The following EVPL variants were observed in gnomAD, a reference collection of about 807,000 sequenced individuals.
EVPL encodes the protein envoplakin.
EVPL carries 94 observed loss-of-function variants against 129.7 expected under a neutral mutation model. The observed-to-expected ratio is 0.72, with a 90% CI of 0.61 to 0.86. EVPL has a LOEUF of 0.86. Among genes scored for constraint, EVPL ranks in the 40% least tolerant of loss-of-function variants. The probability of loss-of-function intolerance (pLI) is 0.00; values close to 1 mark genes in which losing one functional copy is unlikely to be tolerated. For missense variants in EVPL, 2,625 were observed against 2,721.1 expected (o/e 0.96, Z 0.79); for synonymous variants, 1,172 against 1,191.1 (o/e 0.98, Z 0.33).
At chr17:76,012,946 G>A (rs370700266) in intron 18 of EVPL, among the ~76,000 whole-genome samples, 250 of 151,612 alleles carry the variant, frequency 1.6e-3, no homozygotes, top group South Asian at 3.3e-3. Context: ...GGGTTTCACC[G>A]TGTTAGCCAG....
Position 76,009,046 on chromosome 17 carries a change from C to A in EVPL, c.4159G>T (p.Glu1387Ter), listed in dbSNP as rs538347223. 6.2e-7 allele frequency: 1 copy of A among 1,613,466 alleles called. No individual in the cohort carries two copies. The highest frequency in any genetic ancestry group is 1.7e-5 in the Admixed American group (1 of 60,004). The change falls in exon 22 of 22, where the codon GAG becomes TAG. Residue 1387 changes from glutamate to a stop codon, truncating the protein, a stop_gained. Coordinates refer to ENST00000301607, the MANE Select transcript of EVPL (RefSeq NM_001988.4). LOFTEE classifies it low-confidence loss of function (END_TRUNC). The surrounding 1 kb of genome is among the most constrained non-coding windows in gnomAD (Gnocchi z 5.9). The part of the protein sequence containing the change: ...VTQKDPKLRE[E>*]HSRLSGSLDE... ...AGGCTCCCGCTCAGCCGGCTGTGCT[C>A]CTCGCGCAGCTTCGGGTCCTTCTGG...
intron 17 of EVPL, 68 bp downstream of exon 17, chr17:76,014,848 G>T: frequency 6.9e-7 from 1 of 1,459,524 alleles, no homozygotes; most frequent in Non-Finnish European, 9.2e-7. Context: ...GGATCACACA[G>T]CTTGTAGACA....
rs760658904 is a variant in EVPL, at chr17:76,009,982, C to T, written c.3223G>A (p.Val1075Met). 2.6e-5 allele frequency: 42 copies of T among 1,613,920 alleles called. No homozygotes were observed. In the South Asian group the frequency reaches 2.9e-4, roughly 11 times the overall value. ...TCCACCTTGACTACCTCTTTCACCA[C>T]GACCTTCTCCTTCACGTCCACCTCC... ...KREVDVKEKV[V>M]VKEVVKVEKN... The change falls in exon 22 of 22, where the codon GTG (valine) becomes ATG (methionine). Residue 1075 changes from valine to methionine, a missense_variant. Coordinates refer to ENST00000301607, the MANE Select transcript of EVPL (RefSeq NM_001988.4). This position sits in a 1 kb window ranked among gnomAD's most constrained non-coding sequence, Gnocchi z 5.9.
Position 76,008,517 on chromosome 17 carries a change from C to G in EVPL, c.4688G>C (p.Arg1563Pro), listed in dbSNP as rs746261242. 1.9e-6 allele frequency: 3 copies of G among 1,605,460 alleles called. No homozygotes were observed. The highest frequency in any genetic ancestry group is 1.7e-5 in the Admixed American group (1 of 59,764). Residue 1563 changes from arginine (R) to proline (P), a missense_variant, in exon 22 of 22, where the codon CGC becomes CCC. Physicochemically the swap from Arg to Pro is moderately radical, Grantham distance 103. Coordinates refer to ENST00000301607, the MANE Select transcript of EVPL (RefSeq NM_001988.4). The surrounding 1 kb of genome is among the most constrained non-coding windows in gnomAD (Gnocchi z 7.4). ...REEEARRLRE[R>P]IDRAETLGRT... The stretch of plus-strand genomic sequence containing the variant: ...CCCCAGCGTCTCGGCCCGGTCAATG[C>G]GCTCCCGCAGGCGCCGTGCCTCCTC...
chr17:76,012,709 G>A (rs1017037961), intron 18 of EVPL, among the ~76,000 whole-genome samples: 7 of 151,660 alleles, frequency 4.6e-5, no homozygotes, highest in African/African-American at 1.5e-4. Flanking sequence ...CAGCAGGTCC[G>A]GGTGGCCCTG....
chr17:76,025,909 C>A (rs1567918565), intron 1 of EVPL, among the ~76,000 whole-genome samples: 1 of 152,188 alleles, frequency 6.6e-6, no homozygotes, highest in African/African-American at 2.4e-5. Context: ...GCCCAGTGCC[C>A]CCTGCACCAC....
In EVPL at chr17:76,009,216, GCTT is replaced by G; in HGVS notation, c.3986_3988del (p.Glu1329del). The G allele has an allele frequency of 6.2e-7, 1 of 1,608,790 alleles. No individual in the cohort carries two copies. The highest frequency in any genetic ancestry group is 8.5e-7 in the Non-Finnish European group (1 of 1,179,896). ...CCGCACCTCCTGGCGGAGCCGCTCT[GCTT>G]CTTTCTCCAGCACCGGGTCCTTCTC... On this transcript the variant is annotated inframe_deletion, in exon 22 of 22. Transcript: ENST00000301607. The surrounding 1 kb of genome is among the most constrained non-coding windows in gnomAD (Gnocchi z 5.9).
At position 76,012,097 on chromosome 17, in the gene EVPL, G is replaced by T; in HGVS notation, c.2374-8C>A. 6.2e-7 allele frequency: 1 copy of T among 1,607,058 alleles called. No homozygotes were observed. On this transcript the variant is annotated splice_region_variant and splice_polypyrimidine_tract_variant and intron_variant, in intron 18 of 21. Coordinates refer to ENST00000301607, the MANE Select transcript of EVPL (RefSeq NM_001988.4). ...GATCTCCTGCGTCAGCCTCTGCCAG[G>T]GAAGAACCCAGAGTCAGGAGGCCAG... is the stretch of plus-strand genomic sequence containing the variant.
In EVPL at chr17:76,014,908, T is replaced by TCG; in HGVS notation, c.2222+6_2222+7dup. On this transcript the variant is annotated splice_region_variant and intron_variant, in intron 17 of 21. Coordinates refer to ENST00000301607, the MANE Select transcript of EVPL (RefSeq NM_001988.4). ...CACACCCTGTGCCCCGAGGACCCAG[T>TCG]CGCTCACCGCAGGTCCAGCTGGTCC... 2 of 1,573,152 alleles carry TCG rather than the reference T, an allele frequency of 1.3e-6. No individual in the cohort carries two copies. Among genetic ancestry groups the TCG allele is most frequent in the Non-Finnish European group, 1.7e-6 (2 of 1,156,972 alleles).
chr17:76,025,708 C>T (rs534951825), intron 1 of EVPL, among the ~76,000 whole-genome samples: 2 of 152,348 alleles, frequency 1.3e-5, no homozygotes, highest in South Asian at 2.1e-4. Context: ...TGCCTTGATC[C>T]CTATCGGGGT....
chr17:76,021,754 G>A lies in EVPL; in HGVS notation c.835C>T (p.Gln279Ter). The change falls in exon 8 of 22, where the codon CAG (glutamine) becomes TAG (stop). Residue 279 changes from glutamine (Q) to a stop codon, truncating the protein, a stop_gained. Transcript: ENST00000301607. LOFTEE classifies it high-confidence loss of function. ...EHFKQHELLS[Q>*]EQSVNQLEDD... ...TCCAGCTGGTTCACGCTCTGCTCCT[G>A]GCTCAGCAGCTCGTGCTGCTTGAAG... 6.2e-7 allele frequency: 1 copy of A among 1,609,390 alleles called. No individual in the cohort carries two copies. Among genetic ancestry groups the A allele is most frequent in the Non-Finnish European group, 8.5e-7 (1 of 1,179,360 alleles).
In EVPL at chr17:76,022,479, G is replaced by C. The variant is rs375962624; in HGVS notation, c.540C>G (p.Ala180=). ...PGMAELEQQI[A]EHNILQKEID... ...TCTCCTTCTGCAGGATGTTGTGCTC[G>C]GCGATCTGTTGCTCCAGCTCCGCCA... Residue 180 remains alanine (A), a synonymous_variant, in exon 5 of 22, where the codon GCC becomes GCG. Coordinates refer to ENST00000301607, the MANE Select transcript of EVPL (RefSeq NM_001988.4). The surrounding 1 kb of genome is among the most constrained non-coding windows in gnomAD (Gnocchi z 5.6). 58 of 1,613,316 alleles carry C rather than the reference G, an allele frequency of 3.6e-5. 1 individual carries two copies. The South Asian group carries it at 5.1e-4, about 14-fold the overall frequency.
At chr17:76,018,891 G>GGGTGA (rs1362472123) in intron 11 of EVPL, 23 bp downstream of exon 11, 1 of 1,510,942 alleles carries the variant, frequency 6.6e-7, no homozygotes, top group South Asian at 1.3e-5. Context: ...ATGGTGGCAG[G>GGGTGA]GGTGAGGTGG....
intron 8 of EVPL, 43 bp from the exon 9 acceptor site, chr17:76,021,606 C>CCCCGGGG: frequency 1.5e-6 from 2 of 1,336,550 alleles, no homozygotes; most frequent in Non-Finnish European, 2.0e-6. Context: ...GCCCCCCCCA[C>CCCCGGGG]GTCCGCCCCA....
chr17:76,019,554 G>T lies in EVPL; in HGVS notation c.1111C>A (p.Pro371Thr). ...TCCAGCTGTTGCAGCAGCTCTGTGG[G>T]GGCGCCAGGGGGGCCCCCAGGTGCA... is the stretch of plus-strand genomic sequence containing the variant. Reference protein sequence around the residue: ...SPAPGGPPGAPTELLQQLEAE... With the variant: ...SPAPGGPPGATTELLQQLEAE... Residue 371 changes from proline (P) to threonine (T), a missense_variant, in exon 10 of 22, where the codon CCC becomes ACC. Pro to Thr is a conservative substitution (Grantham distance 38, BLOSUM62 -1). Around this residue, in one of 4 missense-constraint regions of EVPL, gnomAD observed 1,024 missense variants for 997.5 expected, o/e 1.03. Transcript: ENST00000301607. 1 of 1,570,810 alleles carries T rather than the reference G, an allele frequency of 6.4e-7. No homozygotes were observed. The highest frequency in any genetic ancestry group is 1.2e-5 in the South Asian group (1 of 84,524).
chr17:76,010,642 C>G, intron 21 of EVPL, 99 bp from the exon 22 acceptor site: 1 of 1,313,346 alleles, frequency 7.6e-7, no homozygotes, highest in Non-Finnish European at 1.0e-6. Flanking sequence ...TCCTGAGACT[C>G]CCCAGTGGGT....
In EVPL at chr17:76,008,323, G is replaced by A. The variant is rs780444775; in HGVS notation, c.4882C>T (p.Arg1628Ter). 16 of 1,606,986 alleles carry A rather than the reference G, an allele frequency of 1.0e-5. No individual in the cohort carries two copies. Among genetic ancestry groups the A allele is most frequent in the Admixed American group, 1.7e-5 (1 of 59,964 alleles). Residue 1628 changes from arginine to a stop codon, truncating the protein, a stop_gained, in exon 22 of 22, where the codon CGA (arginine) becomes TGA (stop). Coordinates refer to ENST00000301607, the MANE Select transcript of EVPL (RefSeq NM_001988.4). LOFTEE classifies it high-confidence loss of function. The surrounding 1 kb of genome is among the most constrained non-coding windows in gnomAD (Gnocchi z 7.4). ...TGGCCCCGCTGGGCCGCCTTCTGTC[G>A]CTCGCTCTCCGTCTTCTGGCTGAGC... ...KLLSQKTESE[R>*]QKAAQRGQEL...
Position 76,008,214 on chromosome 17 carries a change from G to A in EVPL, c.4991C>T (p.Ala1664Val). Residue 1664 changes from alanine (A) to valine (V), a missense_variant, in exon 22 of 22, where the codon GCC (alanine) becomes GTC (valine). Physicochemically the swap from Ala to Val is moderately conservative, Grantham distance 64. This residue lies in a region of EVPL where 1,453 missense variants were observed against 1,511.8 expected (regional missense o/e 0.96). Coordinates refer to ENST00000301607, the MANE Select transcript of EVPL (RefSeq NM_001988.4). The surrounding 1 kb of genome is among the most constrained non-coding windows in gnomAD (Gnocchi z 7.4). ...GCTGAGCTCCTCCCGGCTCACCTTGGCGTGGAGGTCCCGGAGCGTCCGCTC... is the reference window on the plus strand; with the variant it reads ...GCTGAGCTCCTCCCGGCTCACCTTGACGTGGAGGTCCCGGAGCGTCCGCTC... ...EKERTLRDLH[A>V]KVSREELSQE... 1 of 1,614,080 alleles carries A rather than the reference G, an allele frequency of 6.2e-7. No individual in the cohort carries two copies. Among genetic ancestry groups the A allele is most frequent in the Non-Finnish European group, 8.5e-7 (1 of 1,180,032 alleles).
chr17:76,019,273 A>G (rs2244377), intron 10 of EVPL, among the ~76,000 whole-genome samples: 96,655 of 152,006 alleles, frequency 0.64, 31,006 homozygotes, highest in East Asian at 0.74. Flanking sequence ...CCAGGCCACC[A>G]AGCAGAAGCT....
Sources: gnomAD v4.1 joint callset for allele counts (sites outside exome capture counted in the v4.1 genomes callset) on GRCh38, gnomAD v4.1.1 for gene constraint, gnomAD v4.1.1 regional missense constraint, Gnocchi (gnomAD v3.1) non-coding constraint, MANE v1.5 for transcripts, NCBI Gene and HGNC (gene_info 2026-07-23, HGNC 2026-07-21) for gene names.